Variants in ADORA2B observed in about 807,000 individuals in gnomAD.
The protein encoded by ADORA2B is adenosine A2b receptor.
Under a neutral mutation model 20.8 loss-of-function variants are expected in ADORA2B, and 18 were observed. The ratio of observed to expected loss-of-function variants is 0.87; its 90% CI spans 0.60 to 1.29. The LOEUF (loss-of-function observed/expected upper bound fraction) is 1.29, where lower values mean the gene tolerates loss of function less well. Ranked by LOEUF, ADORA2B falls within the 50% of genes most tolerant of loss-of-function variation. The pLI, the probability that ADORA2B is intolerant of heterozygous loss-of-function variation, is 0.00. For missense variants in ADORA2B, 441 were observed against 422.7 expected (o/e 1.04, Z -0.38); for synonymous variants, 179 against 178.3 (o/e 1.00, Z -0.03).
chr17:15,909,703 G>A, the ADORA2B span, among the ~76,000 whole-genome samples: 1 of 152,250 alleles, frequency 6.6e-6, no homozygotes, highest in African/African-American at 2.4e-5. Context: ...GGCTGAGGGT[G>A]TGTGCCTCTG....
intron 1 of ADORA2B, among the ~76,000 whole-genome samples, chr17:15,972,689 C>T (rs112014590): frequency 5.9e-5 from 9 of 152,272 alleles, no homozygotes; most frequent in African/African-American, 1.9e-4. Context: ...ACTGGTCAAA[C>T]CTCTTAAGGA....
Position 15,945,244 on chromosome 17 carries a change from C to T in ADORA2B, c.-5C>T. ...GGGGGCGCCCGGGGCCCAGCTGGCC[C>T]GGCCATGCTGCTGGAGACACAGGAC... On this transcript the variant is annotated 5_prime_UTR_variant, in exon 1 of 2. Coordinates refer to ENST00000304222, the MANE Select transcript of ADORA2B (RefSeq NM_000676.4). 1 of 1,420,562 alleles carries T rather than the reference C, an allele frequency of 7.0e-7. No individual in the cohort carries two copies. Among genetic ancestry groups the T allele is most frequent in the Non-Finnish European group, 9.1e-7 (1 of 1,093,404 alleles). The allele number at this position is 1,420,562 out of a possible 1,614,324, so 88.0% of individuals were successfully genotyped here.
the ADORA2B span, among the ~76,000 whole-genome samples, chr17:15,930,511 G>C: frequency 8.7e-4 from 133 of 152,204 alleles, no homozygotes; most frequent in African/African-American, 2.9e-3. Flanking sequence ...GGCCAAGCTG[G>C]TCTTGAACTC....
chr17:15,956,279 C>T lies in ADORA2B; in HGVS notation c.335+10696C>T, dbSNP rs60942663. Among the ~76,000 whole-genome samples, 1,202 of 152,306 alleles carry T rather than the reference C, an allele frequency of 7.9e-3. 11 individuals carry two copies. The highest frequency in any genetic ancestry group is 0.027 in the African/African-American group (1,143 of 41,572). ...GTACATAACCTAAACTCTTCCCCTCCCCCACCCGTTATCACTAGGTCTCTA... is the reference window on the plus strand; with the variant it reads ...GTACATAACCTAAACTCTTCCCCTCTCCCACCCGTTATCACTAGGTCTCTA... On this transcript the variant is annotated intron_variant, in intron 1 of 1. Coordinates refer to ENST00000304222, the MANE Select transcript of ADORA2B (RefSeq NM_000676.4).
At chr17:15,941,854 C>T (rs527394949), upstream of ADORA2B, among the ~76,000 whole-genome samples, 1 of 152,000 alleles carries the variant, frequency 6.6e-6, no homozygotes, top group African/African-American at 2.4e-5. Flanking sequence ...TAATTGGCAC[C>T]CCCATGGACC....
intron 1 of ADORA2B, among the ~76,000 whole-genome samples, chr17:15,966,950 G>C (rs1227477940): frequency 1.3e-5 from 2 of 152,242 alleles, no homozygotes; most frequent in Non-Finnish European, 2.9e-5. Context: ...GCTGGCGAAC[G>C]GAAGGACGGA....
At chr17:15,903,683 G>T in the ADORA2B span, among the ~76,000 whole-genome samples, 2 of 152,024 alleles carry the variant, frequency 1.3e-5, no homozygotes, top group Non-Finnish European at 2.9e-5. Flanking sequence ...GGAAGAATTT[G>T]TGTCCACATT....
the ADORA2B span, among the ~76,000 whole-genome samples, chr17:15,891,916 T>G: frequency 6.7e-6 from 1 of 150,130 alleles, no homozygotes; most frequent in African/African-American, 2.5e-5. Context: ...GGTATGATCT[T>G]GGCTCACTGC....
At chr17:15,938,459 C>T in the ADORA2B span, among the ~76,000 whole-genome samples, 9 of 152,192 alleles carry the variant, frequency 5.9e-5, no homozygotes, top group African/African-American at 1.7e-4. Context: ...CCCGCCACCA[C>T]GCCCGGCTAA....
chr17:15,868,697 A>G, the ADORA2B span, among the ~76,000 whole-genome samples: 4 of 115,188 alleles, frequency 3.5e-5, 1 homozygote, highest in East Asian at 2.4e-4. Flanking sequence ...GGAGAATGGC[A>G]TGAACCCAGG....
At chr17:15,858,559 G>A in the ADORA2B span, among the ~76,000 whole-genome samples, 3 of 152,150 alleles carry the variant, frequency 2.0e-5, no homozygotes, top group East Asian at 3.8e-4. Flanking sequence ...TGAGGATTGT[G>A]TCTATTGCAT....
At chr17:15,869,906 AT>A in the ADORA2B span, among the ~76,000 whole-genome samples, 6 of 152,192 alleles carry the variant, frequency 3.9e-5, no homozygotes, top group Non-Finnish European at 8.8e-5. Flanking sequence ...GTCCCTTCTT[AT>A]TTTATAAAGA....
intron 1 of ADORA2B, among the ~76,000 whole-genome samples, chr17:15,948,430 C>T (rs545112363): frequency 5.8e-5 from 8 of 138,286 alleles, no homozygotes; most frequent in East Asian, 4.4e-4. Flanking sequence ...GTGGTGCCGA[C>T]GGGAGTGGGC....
At chr17:15,950,544 C>T (rs531050578) in intron 1 of ADORA2B, among the ~76,000 whole-genome samples, 4 of 152,300 alleles carry the variant, frequency 2.6e-5, no homozygotes, top group East Asian at 1.9e-4. Flanking sequence ...TTGGCAGAAT[C>T]GAGCAGTCAC....
the ADORA2B span, among the ~76,000 whole-genome samples, chr17:15,864,581 G>A: frequency 1.3e-5 from 2 of 152,152 alleles, no homozygotes; most frequent in African/African-American, 2.4e-5. Context: ...GGCAATGTGC[G>A]GAAATTGATG....
At chr17:15,905,273 T>TTTG in the ADORA2B span, among the ~76,000 whole-genome samples, 22 of 135,958 alleles carry the variant, frequency 1.6e-4, no homozygotes, top group Admixed American at 4.3e-4. Flanking sequence ...CCTTAGTTGT[T>TTTG]TTGTTGTTGT....
intron 1 of ADORA2B, among the ~76,000 whole-genome samples, chr17:15,965,076 A>C (rs550330479): frequency 6.8e-6 from 1 of 147,370 alleles, no homozygotes; most frequent in African/African-American, 2.6e-5. Context: ...AAACAAACAA[A>C]ATTTCATAGT....
At chr17:15,913,973 C>G in the ADORA2B span, among the ~76,000 whole-genome samples, 118 of 152,300 alleles carry the variant, frequency 7.7e-4, no homozygotes, top group African/African-American at 2.8e-3. Flanking sequence ...GGAGAAGGAA[C>G]CTTGACCACA....
the ADORA2B span, among the ~76,000 whole-genome samples, chr17:15,902,582 A>C: frequency 1.5e-4 from 23 of 152,336 alleles, no homozygotes; most frequent in African/African-American, 5.5e-4. Flanking sequence ...TCATCAGCCA[A>C]TATTTTCCAA....
Sources: allele counts gnomAD v4.1 joint callset (sites outside exome capture counted in the v4.1 genomes callset), GRCh38; gene constraint gnomAD v4.1.1; transcripts MANE v1.5; gene names NCBI Gene and HGNC (gene_info 2026-07-23, HGNC 2026-07-21).